Variants in FARS2 observed in about 807,000 individuals in gnomAD.
The protein encoded by FARS2 is phenylalanine--tRNA ligase, mitochondrial.
Under a neutral mutation model 46.4 loss-of-function variants are expected in FARS2, and 40 were observed. The observed-to-expected ratio is 0.86, with a 90% CI of 0.67 to 1.12. The LOEUF (loss-of-function observed/expected upper bound fraction) is 1.12. FARS2 is among the 50% of genes most tolerant of loss of function. The pLI is 0.00. For synonymous variants in FARS2, 234 were observed against 214.9 expected, an observed-to-expected ratio of 1.09 and a Z score of -0.78; for missense variants, 513 against 567.9, an observed-to-expected ratio of 0.90 and a Z score of 0.98.
At chr6:5,652,513 C>T (rs1413037490) in intron 6 of FARS2, among the ~76,000 whole-genome samples, 6 of 152,234 alleles carry the variant, frequency 3.9e-5, no homozygotes, top group African/African-American at 1.4e-4. Context: ...TTTCAAAGGA[C>T]AAGTTCCCAT....
Position 5,600,628 on chromosome 6 carries a change from G to A in FARS2, c.1066-12541G>A, listed in dbSNP as rs1038643717. ...GAAAACAAAGTAACTGATAGTGCAT[G>A]CTATTTTTTATAGGTAAAGCTGATT... is the stretch of plus-strand genomic sequence containing the variant. On this transcript the variant is annotated intron_variant, in intron 5 of 6. Transcript: ENST00000274680. Among the ~76,000 whole-genome samples the A allele has an allele frequency of 3.7e-4, 56 of 152,286 alleles. 2 individuals carry two copies. The highest frequency in any genetic ancestry group is 2.2e-3 in the Admixed American group (33 of 15,298).
At chr6:5,660,405 G>A (rs1777795387) in intron 6 of FARS2, among the ~76,000 whole-genome samples, 1 of 152,118 alleles carries the variant, frequency 6.6e-6, no homozygotes, top group Non-Finnish European at 1.5e-5. Flanking sequence ...CAATACTTTG[G>A]GAGACTGAGA....
At chr6:5,364,879 A>G (rs754886875) in intron 1 of FARS2, among the ~76,000 whole-genome samples, 1 of 152,132 alleles carries the variant, frequency 6.6e-6, no homozygotes, top group Non-Finnish European at 1.5e-5. Flanking sequence ...AAAAAATACA[A>G]AAGCTAGCCG....
At chr6:5,662,676 T>G (rs565471537) in intron 6 of FARS2, among the ~76,000 whole-genome samples, 24 of 152,214 alleles carry the variant, frequency 1.6e-4, no homozygotes, top group Non-Finnish European at 3.2e-4. Flanking sequence ...CTTAGAAAGT[T>G]ATGCAAATTA....
chr6:5,756,374 G>C (rs1762205675), intron 6 of FARS2, among the ~76,000 whole-genome samples: 1 of 152,202 alleles, frequency 6.6e-6, no homozygotes, highest in South Asian at 2.1e-4. Context: ...GGTAATTTGT[G>C]AAGAAAAGAG....
At chr6:5,256,182 A>C (rs963732016), upstream of FARS2, among the ~76,000 whole-genome samples, 5 of 152,116 alleles carry the variant, frequency 3.3e-5, no homozygotes, top group Non-Finnish European at 5.9e-5. Flanking sequence ...AGAGCCAAGA[A>C]GACAAAATTT....
rs866907656 is a variant in FARS2 at position 5,270,520 on chromosome 6, A to T, written c.-22+8860A>T. ...CTGTTAACTTTGTAGAAGAGATTCC[A>T]CGTGTGTCAAGTTACAGTGTTTGCT... On this transcript the variant is annotated intron_variant, in intron 1 of 6. Coordinates refer to ENST00000274680, the MANE Select transcript of FARS2 (RefSeq NM_006567.5). Among the ~76,000 whole-genome samples the T allele has an allele frequency of 3.9e-5, 6 of 152,326 alleles. No individual in the cohort carries two copies. The Middle Eastern group carries it at 0.014, about 345-fold the overall frequency.
chr6:5,325,640 C>T (rs1207924793), intron 1 of FARS2, among the ~76,000 whole-genome samples: 4 of 152,200 alleles, frequency 2.6e-5, no homozygotes, highest in South Asian at 2.1e-4. Context: ...CATCCATTAT[C>T]AAGCTAGCCA....
chr6:5,709,689 T>G, intron 6 of FARS2, among the ~76,000 whole-genome samples: 1 of 29,060 alleles, frequency 3.4e-5, no homozygotes, highest in African/African-American at 1.1e-4. Context: ...TGTGTGTGTG[T>G]GTGTGTGTGC....
At chr6:5,413,241 T>G (rs945923539) in intron 3 of FARS2, among the ~76,000 whole-genome samples, 1 of 152,206 alleles carries the variant, frequency 6.6e-6, no homozygotes, top group Non-Finnish European at 1.5e-5. Flanking sequence ...CTATGGCAGT[T>G]GGGCAGAGGA....
chr6:5,465,039 T>A (rs1413184385), intron 4 of FARS2, among the ~76,000 whole-genome samples: 1 of 152,152 alleles, frequency 6.6e-6, no homozygotes, highest in Non-Finnish European at 1.5e-5. Context: ...ATGAAGAGTA[T>A]GTTAGAGTTT....
At chr6:5,366,896 A>G (rs1411114878) in intron 1 of FARS2, among the ~76,000 whole-genome samples, 1 of 152,246 alleles carries the variant, frequency 6.6e-6, no homozygotes, top group Admixed American at 6.5e-5. Context: ...TTTAAAATTC[A>G]TATCCACTGC....
At chr6:5,466,557 A>G (rs1765526087) in intron 4 of FARS2, 1 of 985,262 alleles carries the variant, frequency 1.0e-6, no homozygotes, top group Non-Finnish European at 1.2e-6. Flanking sequence ...GTTATTCCCT[A>G]GGCTTGTTTC....
At chr6:5,626,492 A>G (rs1776038870) in intron 6 of FARS2, among the ~76,000 whole-genome samples, 1 of 152,154 alleles carries the variant, frequency 6.6e-6, no homozygotes. Flanking sequence ...GTGGTATTTC[A>G]GAGCTGTACG....
chr6:5,732,439 G>A (rs967398514), intron 6 of FARS2, among the ~76,000 whole-genome samples: 3 of 152,138 alleles, frequency 2.0e-5, no homozygotes, highest in Non-Finnish European at 2.9e-5. Flanking sequence ...GTTAGATCTC[G>A]TTGTTCTCAT....
At chr6:5,696,743 CA>C (rs1758128475) in intron 6 of FARS2, among the ~76,000 whole-genome samples, 1 of 152,070 alleles carries the variant, frequency 6.6e-6, no homozygotes. Context: ...CATATGCATA[CA>C]ATTTAAATTT....
chr6:5,554,074 C>A (rs1021251233), intron 5 of FARS2, among the ~76,000 whole-genome samples: 1 of 152,074 alleles, frequency 6.6e-6, no homozygotes, highest in Non-Finnish European at 1.5e-5. Flanking sequence ...TCTTTTTGCC[C>A]TAAATTTTTT....
chr6:5,623,759 G>A (rs893064055), intron 6 of FARS2, among the ~76,000 whole-genome samples: 2 of 152,054 alleles, frequency 1.3e-5, no homozygotes, highest in Non-Finnish European at 2.9e-5. Flanking sequence ...TGGCATCGAT[G>A]CTGGTCAGCA....
At chr6:5,260,444 A>G (rs1764976148), upstream of FARS2, among the ~76,000 whole-genome samples, 1 of 152,266 alleles carries the variant, frequency 6.6e-6, no homozygotes, top group African/African-American at 2.4e-5. Flanking sequence ...CTCCCCTGGT[A>G]GAAAGAAAGG....
Sources: allele counts gnomAD v4.1 joint callset (sites outside exome capture counted in the v4.1 genomes callset), GRCh38; gene constraint gnomAD v4.1.1; transcripts MANE v1.5; gene names NCBI Gene and HGNC (gene_info 2026-07-23, HGNC 2026-07-21).